Variants in CLASP1 observed in about 807,000 individuals in gnomAD.
CLASP1 encodes cytoplasmic linker associated protein 1.
A neutral mutation model predicts 192.3 loss-of-function variants in CLASP1; 38 were observed. The observed-to-expected ratio is 0.20, with a 90% CI of 0.15 to 0.26. CLASP1 has a LOEUF of 0.26. CLASP1 is among the 10% of genes least tolerant of loss of function. The pLI is 1.00. For synonymous variants in CLASP1, 691 were observed against 712.8 expected (o/e 0.97, Z 0.49); for missense variants, 1,433 against 1,932.5 (o/e 0.74, Z 4.85).
At chr2:121,433,792 C>T (rs780236312) in intron 19 of CLASP1, among the ~76,000 whole-genome samples, 1 of 152,104 alleles carries the variant, frequency 6.6e-6, no homozygotes, top group Non-Finnish European at 1.5e-5. Context: ...TGGGCTAAAC[C>T]TACGTGGTCA....
rs560568913 is a variant in CLASP1, at chr2:121,403,819, TG to T, written c.2733+551del. ...CATTCCTTGGGCTTAGTGTTCCCTA[TG>T]GCCCTCAGGAGGTGTGGGCACCAGC... On this transcript the variant is annotated intron_variant, in intron 26 of 39. Transcript: ENST00000263710. 531 of 462,680 alleles carry T rather than the reference TG, an allele frequency of 1.1e-3. 2 individuals carry two copies. Among genetic ancestry groups the T allele is most frequent in the African/African-American group, 6.8e-3 (343 of 50,542 alleles). 28.7% of individuals were successfully genotyped at this position (462,680 alleles called of 1,614,324 possible). A position where few individuals can be genotyped will look rare whatever the true frequency, so the allele number is the denominator to read the frequency against.
chr2:121,631,157 TCAAAAAAA>T (rs1273294116), intron 1 of CLASP1, among the ~76,000 whole-genome samples: 1 of 3,818 alleles, frequency 2.6e-4, no homozygotes, highest in African/African-American at 6.7e-4. Flanking sequence ...AGACTCCAGC[TCAAAAAAA>T]AAAAAAAAAA....
intron 8 of CLASP1, among the ~76,000 whole-genome samples, chr2:121,478,784 C>A (rs1388083132): frequency 3.0e-4 from 9 of 29,590 alleles, no homozygotes; most frequent in Non-Finnish European, 3.8e-4. Context: ...CACACACACC[C>A]CACACACACC....
intron 2 of CLASP1, among the ~76,000 whole-genome samples, chr2:121,554,933 T>G (rs1047047387): frequency 3.3e-5 from 5 of 151,936 alleles, no homozygotes; most frequent in Non-Finnish European, 7.4e-5. Flanking sequence ...TTAAAACAAT[T>G]CTCCTAGTGA....
At chr2:121,484,225 T>C (rs1183326794) in intron 8 of CLASP1, among the ~76,000 whole-genome samples, 1 of 152,214 alleles carries the variant, frequency 6.6e-6, no homozygotes, top group Non-Finnish European at 1.5e-5. Context: ...GATCATATGC[T>C]CATTTTCTAG....
intron 1 of CLASP1, among the ~76,000 whole-genome samples, chr2:121,645,175 T>A (rs2072954153): frequency 6.6e-6 from 1 of 152,152 alleles, no homozygotes; most frequent in Admixed American, 6.5e-5. Flanking sequence ...TGATGCTCAA[T>A]TCAAGAGAGA....
intron 2 of CLASP1, among the ~76,000 whole-genome samples, chr2:121,537,862 C>T (rs1367793058): frequency 1.3e-5 from 2 of 152,100 alleles, no homozygotes; most frequent in South Asian, 2.1e-4. Flanking sequence ...TGTTAATCAC[C>T]GCAAAAGATA....
chr2:121,444,580 G>A (rs1180518620), intron 19 of CLASP1, among the ~76,000 whole-genome samples: 1 of 152,158 alleles, frequency 6.6e-6, no homozygotes, highest in East Asian at 1.9e-4. Context: ...GGAAACAAAA[G>A]CTAAGGTAGT....
At chr2:121,391,890 C>A (rs1352764203) in intron 30 of CLASP1, among the ~76,000 whole-genome samples, 1 of 152,136 alleles carries the variant, frequency 6.6e-6, no homozygotes, top group African/African-American at 2.4e-5. Context: ...GCCAACAGAG[C>A]GAGACTGTCT....
At chr2:121,393,498 T>C (rs867193609) in intron 30 of CLASP1, among the ~76,000 whole-genome samples, 4 of 152,226 alleles carry the variant, frequency 2.6e-5, no homozygotes, top group Admixed American at 6.5e-5. Flanking sequence ...TTAAATCTTA[T>C]CAATTTTAGA....
intron 6 of CLASP1, among the ~76,000 whole-genome samples, chr2:121,518,456 C>G (rs1200425602): frequency 1.3e-5 from 2 of 152,066 alleles, no homozygotes; most frequent in Non-Finnish European, 2.9e-5. Context: ...AAATTAATTT[C>G]TGTTGTTTAA....
chr2:121,549,388 C>T (rs1037453251), intron 2 of CLASP1, among the ~76,000 whole-genome samples: 1 of 152,132 alleles, frequency 6.6e-6, no homozygotes, highest in Non-Finnish European at 1.5e-5. Context: ...GACGACCTAA[C>T]TATCCTAAAT....
At chr2:121,436,137 T>G (rs746951342) in intron 19 of CLASP1, among the ~76,000 whole-genome samples, 1 of 152,018 alleles carries the variant, frequency 6.6e-6, no homozygotes, top group African/African-American at 2.4e-5. Context: ...GTTTAAGTGA[T>G]TCTCGTGCCT....
At chr2:121,454,770 C>T (rs1188283857) in intron 14 of CLASP1, among the ~76,000 whole-genome samples, 2 of 152,132 alleles carry the variant, frequency 1.3e-5, no homozygotes, top group African/African-American at 2.4e-5. Flanking sequence ...GTCATCTTAT[C>T]GGAGAAATTT....
At chr2:121,439,178 C>T (rs2082825752) in intron 19 of CLASP1, among the ~76,000 whole-genome samples, 1 of 152,062 alleles carries the variant, frequency 6.6e-6, no homozygotes, top group Non-Finnish European at 1.5e-5. Context: ...GTGGTGATAT[C>T]CCCTTTATCA....
chr2:121,483,008 C>A (rs1245129676), intron 8 of CLASP1, among the ~76,000 whole-genome samples: 2 of 152,210 alleles, frequency 1.3e-5, no homozygotes, highest in African/African-American at 2.4e-5. Flanking sequence ...TCCCCTCCAT[C>A]AGCCACCTAA....
chr2:121,634,248 C>T (rs2070374207), intron 1 of CLASP1, among the ~76,000 whole-genome samples: 1 of 152,170 alleles, frequency 6.6e-6, no homozygotes, highest in East Asian at 1.9e-4. Flanking sequence ...TTTCTCTCTG[C>T]CCTTAAACAT....
chr2:121,386,851 TTTA>T (rs755803780), intron 32 of CLASP1, among the ~76,000 whole-genome samples: 6 of 152,118 alleles, frequency 3.9e-5, no homozygotes, highest in Non-Finnish European at 5.9e-5. Flanking sequence ...AATACAAACT[TTTA>T]GTTGTAGGTA....
At chr2:121,645,704 A>G (rs1443423955) in intron 1 of CLASP1, among the ~76,000 whole-genome samples, 1 of 152,210 alleles carries the variant, frequency 6.6e-6, no homozygotes, top group Admixed American at 6.5e-5. Flanking sequence ...GGAGTGAGGA[A>G]ACTTCCAGGC....
Sources: allele counts gnomAD v4.1 joint callset (sites outside exome capture counted in the v4.1 genomes callset), GRCh38; gene constraint gnomAD v4.1.1; transcripts MANE v1.5; gene names NCBI Gene and HGNC (gene_info 2026-07-23, HGNC 2026-07-21).